Variants in GRID1 observed in about 807,000 individuals in gnomAD.
GRID1 encodes glutamate receptor ionotropic, delta-1.
GRID1 carries 28 observed loss-of-function variants against 98.0 expected under a neutral mutation model. The ratio of observed to expected loss-of-function variants is 0.29; its 90% CI spans 0.21 to 0.39. The LOEUF (loss-of-function observed/expected upper bound fraction) is 0.39. GRID1 is among the 10% of genes least tolerant of loss of function. GRID1 has a pLI of 1.00. For synonymous variants in GRID1, 553 were observed against 538.5 expected, an observed-to-expected ratio of 1.03 and a Z score of -0.37; for missense variants, 1,111 against 1,340.5, an observed-to-expected ratio of 0.83 and a Z score of 2.67.
intron 15 of GRID1, chr10:85,606,318 G>C (rs1283793080): frequency 6.6e-6 from 1 of 152,140 alleles, no homozygotes; most frequent in Non-Finnish European, 1.5e-5. Flanking sequence ...AACGTTCCAG[G>C]GGGTTTCCTT....
At chr10:85,627,473 T>C (rs1842925958) in intron 13 of GRID1, among the ~76,000 whole-genome samples, 1 of 152,234 alleles carries the variant, frequency 6.6e-6, no homozygotes, top group South Asian at 2.1e-4. Flanking sequence ...TCTTAAATTA[T>C]TATGTAAAAC....
At chr10:86,089,995 C>A (rs1486256945) in intron 4 of GRID1, among the ~76,000 whole-genome samples, 2 of 152,150 alleles carry the variant, frequency 1.3e-5, no homozygotes, top group Admixed American at 6.5e-5. Context: ...GATCCACCTG[C>A]CTTGGCCTCC....
chr10:85,717,726 C>T (rs932870473), intron 12 of GRID1, among the ~76,000 whole-genome samples: 8 of 152,180 alleles, frequency 5.3e-5, no homozygotes, highest in African/African-American at 1.9e-4. Flanking sequence ...TCCAAAAGTT[C>T]ACAGTCCAAA....
intron 3 of GRID1, among the ~76,000 whole-genome samples, chr10:86,169,332 A>C (rs1845447531): frequency 6.6e-6 from 1 of 151,036 alleles, no homozygotes; most frequent in African/African-American, 2.5e-5. Flanking sequence ...GGAGAGGTTT[A>C]ACTGGCTCTC....
At chr10:86,336,393 C>T (rs1417559023) in intron 2 of GRID1, among the ~76,000 whole-genome samples, 1 of 152,180 alleles carries the variant, frequency 6.6e-6, no homozygotes, top group African/African-American at 2.4e-5. Context: ...AAACAGAAGG[C>T]TGGGAGTGGG....
At chr10:85,865,058 A>G (rs1843201810) in intron 6 of GRID1, among the ~76,000 whole-genome samples, 1 of 152,240 alleles carries the variant, frequency 6.6e-6, no homozygotes, top group Non-Finnish European at 1.5e-5. Context: ...TCCTCTGAGC[A>G]AAGATGTCTG....
intron 4 of GRID1, among the ~76,000 whole-genome samples, chr10:86,094,844 A>AG (rs1844197951): frequency 6.6e-6 from 1 of 151,490 alleles, no homozygotes. Context: ...AAAAAAAAAA[A>AG]TTCTAAAATT....
chr10:85,709,547 A>G (rs978728163), intron 12 of GRID1, among the ~76,000 whole-genome samples: 3 of 152,222 alleles, frequency 2.0e-5, no homozygotes, highest in South Asian at 2.1e-4. Flanking sequence ...CAAGACTTAG[A>G]GAATTTAGTC....
rs535501806 is a variant in GRID1, at chr10:85,769,371, C to T, written c.1234-39757G>A. Among the ~76,000 whole-genome samples the T allele has an allele frequency of 2.2e-4, 34 of 152,276 alleles. No homozygotes were observed. In the South Asian group the frequency reaches 2.7e-3, roughly 12 times the overall value. On this transcript the variant is annotated intron_variant, in intron 8 of 15. Transcript: ENST00000327946. ...CAAGATGGCTGAATAGGAACAGCTC[C>T]GGTCTACAGCTCCCAGCGTGAGCGA... is the stretch of plus-strand genomic sequence containing the variant.
chr10:85,879,869 C>T lies in GRID1; in HGVS notation c.781-10689G>A, dbSNP rs559135383. Among the ~76,000 whole-genome samples the T allele has an allele frequency of 5.7e-3, 869 of 151,854 alleles. 7 individuals carry two copies. Among genetic ancestry groups the T allele is most frequent in the African/African-American group, 0.02 (814 of 41,384 alleles). On this transcript the variant is annotated intron_variant, in intron 5 of 15. Coordinates refer to ENST00000327946, the MANE Select transcript of GRID1 (RefSeq NM_017551.3). Reference sequence around the variant, plus strand: ...GAAAGGATCAACAAAATTGATAGACCGCTAGCAAGACTAATAAAGAAGAAA... The same window carrying T: ...GAAAGGATCAACAAAATTGATAGACTGCTAGCAAGACTAATAAAGAAGAAA...
At chr10:85,732,388 G>C (rs967490585) in intron 8 of GRID1, among the ~76,000 whole-genome samples, 4 of 152,174 alleles carry the variant, frequency 2.6e-5, no homozygotes, top group Non-Finnish European at 5.9e-5. Context: ...AAACCTTCCT[G>C]GTACGGTGAA....
intron 4 of GRID1, among the ~76,000 whole-genome samples, chr10:86,042,772 C>T (rs1834592323): frequency 6.6e-6 from 1 of 152,156 alleles, no homozygotes. Context: ...AGAGAAAAAA[C>T]TTTCTGAGAA....
At chr10:86,090,486 T>C (rs965615858) in intron 4 of GRID1, among the ~76,000 whole-genome samples, 20 of 151,480 alleles carry the variant, frequency 1.3e-4, no homozygotes, top group Admixed American at 1.1e-3. Context: ...TAGACTGAAA[T>C]TTTAAAAAAA....
chr10:85,866,731 G>C (rs757733873), intron 6 of GRID1, among the ~76,000 whole-genome samples: 2 of 152,156 alleles, frequency 1.3e-5, no homozygotes, highest in South Asian at 2.1e-4. Flanking sequence ...CCAATTTAGA[G>C]AGGAGGGAAC....
chr10:86,184,668 G>A (rs978937846), intron 3 of GRID1, among the ~76,000 whole-genome samples: 2 of 151,686 alleles, frequency 1.3e-5, no homozygotes, highest in Admixed American at 6.6e-5. Context: ...ATTGATTATT[G>A]TAGCTTTTTA....
intron 4 of GRID1, among the ~76,000 whole-genome samples, chr10:86,059,787 G>A (rs1218273518): frequency 6.6e-6 from 1 of 152,074 alleles, no homozygotes; most frequent in East Asian, 1.9e-4. Flanking sequence ...ACAAGCTGGG[G>A]ATGTTGTTCT....
intron 3 of GRID1, among the ~76,000 whole-genome samples, chr10:86,156,561 CT>C (rs1845248738): frequency 6.6e-6 from 1 of 152,220 alleles, no homozygotes; most frequent in Non-Finnish European, 1.5e-5. Flanking sequence ...ATTTGGGTCC[CT>C]GGTTTGACAA....
intron 3 of GRID1, among the ~76,000 whole-genome samples, chr10:86,158,682 T>C (rs1845279734): frequency 6.6e-6 from 1 of 152,002 alleles, no homozygotes; most frequent in Non-Finnish European, 1.5e-5. Flanking sequence ...GTGTGACCAA[T>C]GGGAAGCAAA....
At chr10:86,337,302 C>A (rs1482400055) in intron 2 of GRID1, among the ~76,000 whole-genome samples, 1 of 152,190 alleles carries the variant, frequency 6.6e-6, no homozygotes, top group Non-Finnish European at 1.5e-5. Flanking sequence ...CCAAAGGCTG[C>A]CTGGGAGAGT....
Sources: gnomAD v4.1 joint callset for allele counts (sites outside exome capture counted in the v4.1 genomes callset) on GRCh38, gnomAD v4.1.1 for gene constraint, MANE v1.5 for transcripts, NCBI Gene and HGNC (gene_info 2026-07-23, HGNC 2026-07-21) for gene names.